Variants in SPAG16 observed in about 807,000 individuals in gnomAD.
SPAG16 encodes sperm-associated antigen 16 protein.
SPAG16 carries 86 observed loss-of-function variants against 80.4 expected under a neutral mutation model. That is an observed-to-expected ratio of 1.07 (90% CI 0.90 to 1.28). The LOEUF (loss-of-function observed/expected upper bound fraction) is 1.28. Among genes scored for constraint, SPAG16 ranks in the 50% most tolerant of loss-of-function variants. SPAG16 has a pLI of 0.00. For missense variants in SPAG16, 870 were observed against 765.3 expected, an observed-to-expected ratio of 1.14 and a Z score of -1.61; for synonymous variants, 294 against 265.9, an observed-to-expected ratio of 1.11 and a Z score of -1.03.
intron 10 of SPAG16, among the ~76,000 whole-genome samples, chr2:213,636,214 C>T (rs1393997802): frequency 6.6e-6 from 1 of 152,040 alleles, no homozygotes; most frequent in Non-Finnish European, 1.5e-5. Flanking sequence ...GGTGTATTTT[C>T]CCCGCTTTAT....
At chr2:214,095,874 C>A (rs1031018582) in intron 13 of SPAG16, among the ~76,000 whole-genome samples, 1 of 151,832 alleles carries the variant, frequency 6.6e-6, no homozygotes, top group Non-Finnish European at 1.5e-5. Context: ...ATATTTACAA[C>A]CCCTCAGAAA....
At chr2:213,395,543 G>C (rs954125590) in intron 9 of SPAG16, among the ~76,000 whole-genome samples, 1 of 152,030 alleles carries the variant, frequency 6.6e-6, no homozygotes, top group African/African-American at 2.4e-5. Context: ...TTGATTTCTA[G>C]TTTGATTCCA....
intron 12 of SPAG16, among the ~76,000 whole-genome samples, chr2:213,955,720 T>C (rs752598745): frequency 1.3e-5 from 2 of 152,116 alleles, no homozygotes; most frequent in African/African-American, 2.4e-5. Context: ...TTAATTATGG[T>C]AGGTTTTGTG....
intron 10 of SPAG16, among the ~76,000 whole-genome samples, chr2:213,596,295 T>G (rs2060884086): frequency 6.6e-6 from 1 of 152,138 alleles, no homozygotes; most frequent in Non-Finnish European, 1.5e-5. Context: ...ATCCTTGTCT[T>G]TCTCATGAAA....
At chr2:214,060,815 T>C (rs560213545) in intron 13 of SPAG16, among the ~76,000 whole-genome samples, 2 of 152,292 alleles carry the variant, frequency 1.3e-5, no homozygotes, top group South Asian at 4.1e-4. Context: ...ACATTACATA[T>C]GAGAGGATTC....
intron 3 of SPAG16, 46 bp downstream of exon 3, chr2:213,297,403 T>A (rs1380651603): frequency 1.1e-5 from 13 of 1,164,322 alleles, no homozygotes; most frequent in Admixed American, 2.2e-5. Context: ...GTGGTAGTGC[T>A]TTTTATATGA....
intron 10 of SPAG16, among the ~76,000 whole-genome samples, chr2:213,753,738 G>T (rs1456145546): frequency 6.6e-6 from 1 of 152,150 alleles, no homozygotes; most frequent in Non-Finnish European, 1.5e-5. Context: ...GTTCTTCCAG[G>T]ACAGGTGAGG....
intron 9 of SPAG16, among the ~76,000 whole-genome samples, chr2:213,402,041 G>A (rs2068336327): frequency 6.6e-6 from 1 of 151,826 alleles, no homozygotes; most frequent in Admixed American, 6.6e-5. Flanking sequence ...ATTTAAGAAA[G>A]GTAATTTATA....
rs189351130 is a variant in SPAG16, at chr2:213,685,657, A to G, written c.1071-176828A>G. ...CTTGATCTGAAGAGAGGATAGAACA[A>G]TAGGCAGGGACAAGACAATAGGTCC... On this transcript the variant is annotated intron_variant, in intron 10 of 15. Transcript: ENST00000331683. 2.0e-5 allele frequency among the ~76,000 whole-genome samples: 3 copies of G among 152,344 alleles called. No individual in the cohort carries two copies. In the East Asian group the frequency reaches 5.8e-4, roughly 29 times the overall value.
chr2:213,674,457 C>A (rs116418966), intron 10 of SPAG16, among the ~76,000 whole-genome samples: 5,978 of 149,080 alleles, frequency 0.04, 395 homozygotes, highest in African/African-American at 0.14. Flanking sequence ...ATATGTATAC[C>A]TGTGACATGC....
intron 10 of SPAG16, among the ~76,000 whole-genome samples, chr2:213,565,960 C>G (rs1263557077): frequency 3.3e-5 from 5 of 152,088 alleles, no homozygotes; most frequent in Non-Finnish European, 7.4e-5. Flanking sequence ...GAGGTTCATA[C>G]TGGGTTGGAA....
intron 11 of SPAG16, among the ~76,000 whole-genome samples, chr2:213,915,933 G>A (rs923149808): frequency 1.3e-5 from 2 of 152,092 alleles, no homozygotes; most frequent in Non-Finnish European, 2.9e-5. Context: ...AGAAATGTCT[G>A]TTCATATTCT....
At chr2:213,392,012 T>C (rs1040380906) in intron 9 of SPAG16, among the ~76,000 whole-genome samples, 2 of 152,242 alleles carry the variant, frequency 1.3e-5, no homozygotes, top group African/African-American at 4.8e-5. Context: ...TTTAGGGCTA[T>C]TCTATATTTT....
At chr2:213,956,977 T>C (rs894118171) in intron 12 of SPAG16, among the ~76,000 whole-genome samples, 24 of 152,326 alleles carry the variant, frequency 1.6e-4, no homozygotes, top group Non-Finnish European at 2.8e-4. Context: ...TCTAACTTCA[T>C]CTCGTTGTAC....
intron 15 of SPAG16, among the ~76,000 whole-genome samples, chr2:214,191,842 A>G (rs1369592051): frequency 6.6e-6 from 1 of 151,928 alleles, no homozygotes; most frequent in African/African-American, 2.4e-5. Context: ...CCATGTACTT[A>G]TAAGAATTTA....
chr2:214,053,646 G>C (rs773949463), intron 13 of SPAG16, among the ~76,000 whole-genome samples: 37 of 152,266 alleles, frequency 2.4e-4, no homozygotes, highest in Non-Finnish European at 4.3e-4. Flanking sequence ...TTTCAACGTT[G>C]TACACAAATT....
At chr2:214,402,578 T>C (rs1421509022) in intron 15 of SPAG16, among the ~76,000 whole-genome samples, 5 of 151,990 alleles carry the variant, frequency 3.3e-5, no homozygotes, top group African/African-American at 1.2e-4. Context: ...TTTGCCAACA[T>C]AGAAAGCATA....
intron 13 of SPAG16, 72 bp from the exon 14 acceptor site, chr2:214,108,124 A>G: frequency 8.3e-7 from 1 of 1,206,120 alleles, no homozygotes; most frequent in Non-Finnish European, 1.2e-6. Context: ...TTAAAACTTA[A>G]AAGCATCTTT....
intron 10 of SPAG16, among the ~76,000 whole-genome samples, chr2:213,531,854 C>T (rs1412361162): frequency 6.6e-6 from 1 of 152,072 alleles, no homozygotes; most frequent in Non-Finnish European, 1.5e-5. Flanking sequence ...TGATCTATTG[C>T]ACAGTGAATC....
Sources: allele counts gnomAD v4.1 joint callset (sites outside exome capture counted in the v4.1 genomes callset), GRCh38; gene constraint gnomAD v4.1.1; transcripts MANE v1.5; gene names NCBI Gene and HGNC (gene_info 2026-07-23, HGNC 2026-07-21).